The following ZNF473 variants were observed in gnomAD, a reference collection of about 807,000 sequenced individuals.
The protein encoded by ZNF473 is zinc finger protein 473.
In ZNF473, 4 loss-of-function variants were observed where a neutral mutation model predicts 11.1. The ratio of observed to expected loss-of-function variants is 0.36; its 90% CI spans 0.18 to 0.82. The LOEUF (loss-of-function observed/expected upper bound fraction) is 0.82, where lower values mean the gene tolerates loss of function less well. Among genes scored for constraint, ZNF473 ranks in the 40% least tolerant of loss-of-function variants. The pLI is 0.49. For missense variants in ZNF473, 854 were observed against 1,084.0 expected, an observed-to-expected ratio of 0.79 and a Z score of 2.98; for synonymous variants, 404 against 390.4, an observed-to-expected ratio of 1.03 and a Z score of -0.41.
At chr19:50,041,595 C>T in intron 3 of ZNF473, 135 bp from the exon 4 acceptor site, 1 of 683,824 alleles carries the variant, frequency 1.5e-6, no homozygotes, top group Non-Finnish European at 2.4e-6. Context: ...TCGCCCAGTG[C>T]AGCACCTCGT....
At chr19:50,029,638 G>A (rs763509829) in intron 1 of ZNF473, among the ~76,000 whole-genome samples, 49 of 152,316 alleles carry the variant, frequency 3.2e-4, no homozygotes, top group Non-Finnish European at 5.0e-4. Context: ...CTTGGTCCAC[G>A]CAGTGGATAC....
At chr19:50,031,335 A>G (rs930454232) in intron 2 of ZNF473, among the ~76,000 whole-genome samples, 1 of 152,176 alleles carries the variant, frequency 6.6e-6, no homozygotes, top group Non-Finnish European at 1.5e-5. Context: ...TATTGCTTAT[A>G]GAATAAATTC....
At position 50,044,884 on chromosome 19, in the gene ZNF473, C is replaced by T; in HGVS notation, c.441C>T (p.Cys147=). The change falls in exon 5 of 5, where the codon TGC becomes TGT. Residue 147 remains cysteine (C), a synonymous_variant. Coordinates refer to ENST00000270617, the MANE Select transcript of ZNF473 (RefSeq NM_015428.4). ...CCAACGGGGAAAGTCCCACGGAATG[C>T]AAGAGTCATGAATTAAAGAGAGGAC... ...IATNGESPTE[C]KSHELKRGLS... 1 of 1,614,174 alleles carries T rather than the reference C, an allele frequency of 6.2e-7. No homozygotes were observed. Among genetic ancestry groups the T allele is most frequent in the Non-Finnish European group, 8.5e-7 (1 of 1,180,030 alleles).
In ZNF473 at chr19:50,045,792, G is replaced by A. The variant is rs756655829; in HGVS notation, c.1349G>A (p.Arg450Gln). 26 of 1,613,938 alleles carry A rather than the reference G, an allele frequency of 1.6e-5. 1 individual carries two copies. Among genetic ancestry groups the A allele is most frequent in the East Asian group, 2.2e-5 (1 of 44,894 alleles). ...FHRHTHLNEH[R>Q]RIHTGYRPHK... ...CGGCACACTCACCTTAATGAACATC[G>A]GCGAATTCATACAGGCTACAGACCC... is the stretch of plus-strand genomic sequence containing the variant. Residue 450 changes from arginine to glutamine, a missense_variant, in exon 5 of 5, where the codon CGG becomes CAG. Around this residue, in one of 2 missense-constraint regions of ZNF473, gnomAD observed 668 missense variants for 790.2 expected, o/e 0.85. Transcript: ENST00000270617.
At position 50,045,841 on chromosome 19, in the gene ZNF473, G is replaced by A; in HGVS notation, c.1398G>A (p.Arg466=). ...YRPHKCQECV[R]SFSRPSHLMR... Reference sequence around the variant, plus strand: ...CCCACAAATGTCAGGAATGCGTCAGGAGTTTCAGCCGGCCCTCACATCTGA... The same window carrying A: ...CCCACAAATGTCAGGAATGCGTCAGAAGTTTCAGCCGGCCCTCACATCTGA... Residue 466 remains arginine (R), a synonymous_variant, in exon 5 of 5, where the codon AGG becomes AGA. Transcript: ENST00000270617. The A allele has an allele frequency of 6.2e-7, 1 of 1,614,032 alleles. No individual in the cohort carries two copies.
intron 3 of ZNF473, 32 bp from the exon 4 acceptor site, chr19:50,041,698 G>A (rs371235177): frequency 1.8e-5 from 29 of 1,570,536 alleles, no homozygotes; most frequent in Non-Finnish European, 2.5e-5. Flanking sequence ...TCCATGTCCT[G>A]GTTGGGTGAC....
At position 50,046,297 on chromosome 19, in the gene ZNF473, G is replaced by T; in HGVS notation, c.1854G>T (p.Leu618=). 4 of 1,614,136 alleles carry T rather than the reference G, an allele frequency of 2.5e-6. No individual in the cohort carries two copies. Among genetic ancestry groups the T allele is most frequent in the Non-Finnish European group, 3.4e-6 (4 of 1,180,012 alleles). Residue 618 remains leucine, a synonymous_variant, in exon 5 of 5, where the codon CTG becomes CTT. Transcript: ENST00000270617. The surrounding 1 kb of genome is among the most constrained non-coding windows in gnomAD (Gnocchi z 5.9). The stretch of plus-strand genomic sequence containing the variant: ...AAAGAATCCACTCTAGAGTGAGGCT[G>T]TATAAATGGGGTGAGCAAGGGAAAG... ...HHQRIHSRVR[L]YKWGEQGKAI... is the part of the protein sequence containing the mutation.
chr19:50,038,793 A>G (rs1392493406), intron 2 of ZNF473, among the ~76,000 whole-genome samples: 2 of 152,238 alleles, frequency 1.3e-5, no homozygotes, highest in Non-Finnish European at 2.9e-5. Context: ...CTGGGTGATG[A>G]GTTCATGGGT....
rs144193801 is a variant in ZNF473, at chr19:50,046,545, C to T, written c.2102C>T (p.Pro701Leu). The T allele has an allele frequency of 3.0e-5, 49 of 1,614,198 alleles. No homozygotes were observed. The Middle Eastern group carries it at 8.3e-4, about 27-fold the overall frequency. The change falls in exon 5 of 5, where the codon CCG (proline) becomes CTG (leucine). Residue 701 changes from proline to leucine, a missense_variant. This residue lies in a region of ZNF473 where 186 missense variants were observed against 293.8 expected (regional missense o/e 0.63). Coordinates refer to ENST00000270617, the MANE Select transcript of ZNF473 (RefSeq NM_015428.4). This position sits in a 1 kb window ranked among gnomAD's most constrained non-coding sequence, Gnocchi z 5.9. ...QHERTHARKK[P>L]LVCNECGKTF... ...GAGCGAACTCATGCCAGAAAGAAGC[C>T]GTTGGTGTGTAACGAATGCGGGAAA... is the stretch of plus-strand genomic sequence containing the variant.
chr19:50,037,686 G>A (rs1454358999), intron 2 of ZNF473, among the ~76,000 whole-genome samples: 4 of 151,670 alleles, frequency 2.6e-5, no homozygotes, highest in Non-Finnish European at 4.4e-5. Context: ...GCTGGGTCTG[G>A]TGGCACAAGC....
At chr19:50,044,430 T>C (rs1241944666) in intron 4 of ZNF473, among the ~76,000 whole-genome samples, 1 of 152,160 alleles carries the variant, frequency 6.6e-6, no homozygotes, top group Non-Finnish European at 1.5e-5. Context: ...ACTTGGTCAG[T>C]CACTTAGGTG....
chr19:50,030,432 C>T (rs1291174834), intron 1 of ZNF473, among the ~76,000 whole-genome samples: 1 of 152,084 alleles, frequency 6.6e-6, no homozygotes, highest in African/African-American at 2.4e-5. Context: ...TGCTTAAGCC[C>T]AGGAAATTAC....
Position 50,048,314 on chromosome 19 carries a change from A to G in ZNF473, c.*1255A>G, listed in dbSNP as rs902043070. 1 of 152,222 alleles carries G rather than the reference A, an allele frequency of 6.6e-6. No individual in the cohort carries two copies. Among genetic ancestry groups the G allele is most frequent in the Non-Finnish European group, 1.5e-5 (1 of 68,058 alleles). The allele number at this position is 152,222 out of a possible 1,614,324, so 9.4% of individuals were successfully genotyped here. On this transcript the variant is annotated 3_prime_UTR_variant, in exon 5 of 5. Coordinates refer to ENST00000270617, the MANE Select transcript of ZNF473 (RefSeq NM_015428.4). Reference sequence around the variant, plus strand: ...GGCTCAGTCACACCTTTGCTGAAACACAGTAGTCTTATGAAAAGCACTGGA... The same window carrying G: ...GGCTCAGTCACACCTTTGCTGAAACGCAGTAGTCTTATGAAAAGCACTGGA...
At chr19:50,041,438 C>CT (rs1978761609) in intron 3 of ZNF473, 1 of 233,842 alleles carries the variant, frequency 4.3e-6, no homozygotes, top group African/African-American at 2.3e-5. Context: ...GCCTCTCCAC[C>CT]TGGCAGATCC....
At position 50,039,236 on chromosome 19, in the gene ZNF473, G is replaced by T. The variant is rs756698864; in HGVS notation, c.85G>T (p.Asp29Tyr). The T allele has an allele frequency of 4.3e-6, 7 of 1,614,190 alleles. 1 individual carries two copies. Among genetic ancestry groups the T allele is most frequent in the South Asian group, 3.3e-5 (3 of 91,080 alleles). Residue 29 changes from aspartate to tyrosine, a missense_variant, in exon 3 of 5, where the codon GAC becomes TAC. Coordinates refer to ENST00000270617, the MANE Select transcript of ZNF473 (RefSeq NM_015428.4). This position sits in a 1 kb window ranked among gnomAD's most constrained non-coding sequence, Gnocchi z 4.8. The part of the protein sequence containing the change: ...DWEQLGLEQG[D>Y]TFWDTALDNC... ...GGAGCAGCTCGGGCTGGAACAGGGG[G>T]ACACGTTCTGGGACACAGCGTTGGA... is the stretch of plus-strand genomic sequence containing the variant.
intron 4 of ZNF473, chr19:50,042,686 C>A (rs1446288202): frequency 6.6e-6 from 1 of 152,222 alleles, no homozygotes; most frequent in African/African-American, 2.4e-5. Flanking sequence ...TGCATAGTTA[C>A]CACATAAGCG....
At position 50,041,731 on chromosome 19, in the gene ZNF473, C is replaced by G. The variant is rs772911184; in HGVS notation, c.138C>G (p.Asp46Glu). 12 of 1,601,942 alleles carry G rather than the reference C, an allele frequency of 7.5e-6. No homozygotes were observed. The African/African-American group carries it at 1.6e-4, about 22-fold the overall frequency. ...GACAATGCTTTTCTCTCCCTGCAGA[C>G]CCCCCAAGACCCAACCTGACCTCCC... Reference protein sequence around the residue: ...LDNCQDLFLLDPPRPNLTSHP... With the variant: ...LDNCQDLFLLEPPRPNLTSHP... Residue 46 changes from aspartate (D) to glutamate (E), a missense_variant and splice_region_variant, in exon 4 of 5, where the codon GAC (aspartate) becomes GAG (glutamate). Coordinates refer to ENST00000270617, the MANE Select transcript of ZNF473 (RefSeq NM_015428.4).
At chr19:50,029,086 A>G (rs945291074) in intron 1 of ZNF473, among the ~76,000 whole-genome samples, 7 of 152,096 alleles carry the variant, frequency 4.6e-5, no homozygotes, top group Non-Finnish European at 1.0e-4. Context: ...TCTAGGGTAA[A>G]GTGTTCAATT....
At chr19:50,041,894 C>A in intron 4 of ZNF473, 75 bp downstream of exon 4, 1 of 1,223,338 alleles carries the variant, frequency 8.2e-7, no homozygotes, top group Non-Finnish European at 1.2e-6. Flanking sequence ...AGCCAGCTTT[C>A]CCACAGGTCT....
Sources: gnomAD v4.1 joint callset for allele counts (sites outside exome capture counted in the v4.1 genomes callset) on GRCh38, gnomAD v4.1.1 for gene constraint, gnomAD v4.1.1 regional missense constraint, Gnocchi (gnomAD v3.1) non-coding constraint, MANE v1.5 for transcripts, NCBI Gene and HGNC (gene_info 2026-07-23, HGNC 2026-07-21) for gene names.